Variants in FOCAD observed in about 807,000 individuals in gnomAD.
FOCAD encodes the protein KIAA1797.
In FOCAD, 198 loss-of-function variants were observed where a neutral mutation model predicts 225.6. The observed-to-expected ratio is 0.88, with a 90% CI of 0.78 to 0.99. FOCAD has a LOEUF of 0.99. Among genes scored for constraint, FOCAD ranks in the 50% least tolerant of loss-of-function variants. The pLI is 0.00. For synonymous variants in FOCAD, 897 were observed against 755.0 expected, an observed-to-expected ratio of 1.19 and a Z score of -3.08; for missense variants, 2,713 against 2,123.6, an observed-to-expected ratio of 1.28 and a Z score of -5.46.
intron 15 of FOCAD, among the ~76,000 whole-genome samples, chr9:20,830,318 T>G (rs1267727648): frequency 6.6e-6 from 1 of 152,128 alleles, no homozygotes; most frequent in Non-Finnish European, 1.5e-5. Context: ...TAAAATATAT[T>G]AATTTTTAGT....
upstream of FOCAD, among the ~76,000 whole-genome samples, chr9:20,682,906 G>T (rs764740969): frequency 5.9e-5 from 9 of 152,158 alleles, no homozygotes; most frequent in Non-Finnish European, 8.8e-5. Context: ...GAGTAGAGTA[G>T]CCGTGACTGC....
intron 1 of FOCAD, among the ~76,000 whole-genome samples, chr9:20,709,957 T>G (rs1441518769): frequency 6.6e-6 from 1 of 152,220 alleles, no homozygotes; most frequent in Non-Finnish European, 1.5e-5. Flanking sequence ...TTTGGATGGC[T>G]CAGCTTCTTC....
At chr9:20,745,141 A>T (rs1827940512) in intron 5 of FOCAD, among the ~76,000 whole-genome samples, 1 of 148,864 alleles carries the variant, frequency 6.7e-6, no homozygotes, top group Admixed American at 6.7e-5. Flanking sequence ...ACAGGGTCTC[A>T]CTCTGTCACC....
intron 15 of FOCAD, among the ~76,000 whole-genome samples, chr9:20,844,098 A>G (rs943604681): frequency 6.6e-6 from 1 of 152,144 alleles, no homozygotes; most frequent in African/African-American, 2.4e-5. Context: ...GAATGTACCC[A>G]AGAAAAGTGC....
At chr9:20,974,224 T>C (rs1461701755) in intron 35 of FOCAD, among the ~76,000 whole-genome samples, 1 of 148,276 alleles carries the variant, frequency 6.7e-6, no homozygotes, top group Admixed American at 6.7e-5. Flanking sequence ...CTGCTTCTCC[T>C]TTTTCCTGTG....
At chr9:20,738,262 C>T (rs1827311682) in intron 4 of FOCAD, among the ~76,000 whole-genome samples, 1 of 152,188 alleles carries the variant, frequency 6.6e-6, no homozygotes, top group Non-Finnish European at 1.5e-5. Flanking sequence ...AGGAGGTCCT[C>T]AAGGAGATGC....
chr9:20,705,924 GTTTTTTTTTTTT>G (rs59407171), intron 1 of FOCAD, among the ~76,000 whole-genome samples: 6 of 106,916 alleles, frequency 5.6e-5, no homozygotes, highest in East Asian at 3.0e-4. Context: ...TCAGTTTTAA[GTTTTTTTTTTTT>G]TTTTTTTTTT....
intron 3 of FOCAD, among the ~76,000 whole-genome samples, chr9:20,718,622 A>C (rs1825533375): frequency 6.6e-6 from 1 of 152,204 alleles, no homozygotes; most frequent in Non-Finnish European, 1.5e-5. Context: ...AGTGTAGGAC[A>C]CACTTCACTA....
At chr9:20,945,404 C>T (rs186396319) in intron 29 of FOCAD, among the ~76,000 whole-genome samples, 8 of 152,316 alleles carry the variant, frequency 5.3e-5, no homozygotes, top group African/African-American at 1.9e-4. Flanking sequence ...AGGGTATGAC[C>T]TCGTGGCCTG....
At chr9:20,768,517 T>C (rs1817827536) in intron 7 of FOCAD, among the ~76,000 whole-genome samples, 1 of 151,838 alleles carries the variant, frequency 6.6e-6, no homozygotes, top group Admixed American at 6.6e-5. Context: ...CAGTGGTTTG[T>C]AGTTCTCCTT....
intron 18 of FOCAD, among the ~76,000 whole-genome samples, chr9:20,872,554 A>C (rs1472007768): frequency 8.2e-6 from 1 of 121,918 alleles, no homozygotes; most frequent in Non-Finnish European, 1.6e-5. Context: ...CCTCTTCTGC[A>C]TGCCTACATA....
chr9:20,837,276 G>C (rs538441117), intron 15 of FOCAD, among the ~76,000 whole-genome samples: 7 of 152,126 alleles, frequency 4.6e-5, no homozygotes, highest in Non-Finnish European at 1.0e-4. Context: ...AAACCTGAAG[G>C]CTGTTCAGGG....
intron 11 of FOCAD, among the ~76,000 whole-genome samples, chr9:20,809,756 G>T (rs1208862230): frequency 6.6e-6 from 1 of 152,136 alleles, no homozygotes; most frequent in Non-Finnish European, 1.5e-5. Context: ...TGAGATGGGG[G>T]ACTGTCTTTT....
At chr9:20,661,250 G>A (rs1156699815) in intron 2 of FOCAD, among the ~76,000 whole-genome samples, 1 of 152,198 alleles carries the variant, frequency 6.6e-6, no homozygotes, top group Non-Finnish European at 1.5e-5. Context: ...TAAAAGGACT[G>A]AGAAGTAGCA....
intron 8 of FOCAD, among the ~76,000 whole-genome samples, chr9:20,778,294 G>T (rs1818995505): frequency 1.3e-5 from 2 of 151,988 alleles, no homozygotes; most frequent in Non-Finnish European, 2.9e-5. Flanking sequence ...ACCCAGGCTG[G>T]AGTGCAGTGG....
chr9:20,801,557 G>C (rs567828628), intron 11 of FOCAD, among the ~76,000 whole-genome samples: 1 of 152,136 alleles, frequency 6.6e-6, no homozygotes, highest in South Asian at 2.1e-4. Flanking sequence ...GGGAAGAGAG[G>C]CTATACCTTG....
intron 2 of FOCAD, among the ~76,000 whole-genome samples, chr9:20,663,622 T>C (rs962652926): frequency 2.0e-5 from 3 of 152,178 alleles, no homozygotes; most frequent in Non-Finnish European, 4.4e-5. Flanking sequence ...ACATGGGCCC[T>C]CTTTTCAAAG....
intron 11 of FOCAD, among the ~76,000 whole-genome samples, chr9:20,807,742 TA>T (rs1374317445): frequency 6.6e-6 from 1 of 152,174 alleles, no homozygotes; most frequent in African/African-American, 2.4e-5. Flanking sequence ...AATATAAATG[TA>T]AATATGTATT....
chr9:20,767,273 C>T (rs992948520), intron 7 of FOCAD, among the ~76,000 whole-genome samples: 21 of 150,540 alleles, frequency 1.4e-4, no homozygotes, highest in South Asian at 2.1e-4. Flanking sequence ...TGAATAATGC[C>T]GCAATAAACA....
Sources: gnomAD v4.1 joint callset for allele counts (sites outside exome capture counted in the v4.1 genomes callset) on GRCh38, gnomAD v4.1.1 for gene constraint, MANE v1.5 for transcripts, NCBI Gene and HGNC (gene_info 2026-07-23, HGNC 2026-07-21) for gene names.